MUSK: variants seen among roughly 807,000 people sequenced by gnomAD.
The protein encoded by MUSK is muscle associated receptor tyrosine kinase.
Under a neutral mutation model 88.7 loss-of-function variants are expected in MUSK, and 55 were observed. The observed-to-expected ratio is 0.62, with a 90% CI of 0.50 to 0.78. The LOEUF (loss-of-function observed/expected upper bound fraction) is 0.78. Among genes scored for constraint, MUSK ranks in the 30% least tolerant of loss-of-function variants. The pLI is 0.00. For synonymous variants in MUSK, 387 were observed against 391.9 expected, an observed-to-expected ratio of 0.99 and a Z score of 0.15; for missense variants, 1,015 against 1,074.3, an observed-to-expected ratio of 0.94 and a Z score of 0.77.
At chr9:110,690,885 T>C (rs2076346291) in intron 3 of MUSK, among the ~76,000 whole-genome samples, 1 of 142,312 alleles carries the variant, frequency 7.0e-6, no homozygotes, top group Admixed American at 7.6e-5. Flanking sequence ...TATATATATA[T>C]TTTTTGAGAC....
chr9:110,698,157 C>T (rs1157989606), intron 5 of MUSK, among the ~76,000 whole-genome samples: 1 of 152,116 alleles, frequency 6.6e-6, no homozygotes, highest in Non-Finnish European at 1.5e-5. Context: ...ATCAGCACAC[C>T]TCTATTAGGC....
In MUSK at chr9:110,735,484, C is replaced by T. The variant is rs79322891; in HGVS notation, c.753+1109C>T. On this transcript the variant is annotated intron_variant, in intron 6 of 14. Coordinates refer to ENST00000374448, the MANE Select transcript of MUSK (RefSeq NM_005592.4). Reference sequence around the variant, plus strand: ...CACAGCAAGAAAAGTATTTCATGTTCTCTTTCATAACTAAAAAAATTGATC... The same window carrying T: ...CACAGCAAGAAAAGTATTTCATGTTTTCTTTCATAACTAAAAAAATTGATC... Among the ~76,000 whole-genome samples the T allele has an allele frequency of 6.6e-3, 1,007 of 152,086 alleles. 12 individuals are homozygous for T. Among genetic ancestry groups the T allele is most frequent in the African/African-American group, 0.023 (969 of 41,494 alleles).
rs373604091 is a variant in MUSK at position 110,717,479 on chromosome 9, T to A, written c.629-16772T>A. Among the ~76,000 whole-genome samples the A allele has an allele frequency of 4.8e-4, 72 of 150,206 alleles. 7 individuals are homozygous for A. Among genetic ancestry groups the A allele is most frequent in the African/African-American group, 1.8e-3 (71 of 39,786 alleles). On this transcript the variant is annotated intron_variant, in intron 5 of 14. Transcript: ENST00000374448. ...CTTTCCTTGGCATTATCCAAAATTT[T>A]ATTTATCTTAAAACACTGAATTATT...
chr9:110,706,955 G>A (rs2076607784), intron 5 of MUSK, among the ~76,000 whole-genome samples: 2 of 152,090 alleles, frequency 1.3e-5, no homozygotes, highest in African/African-American at 4.8e-5. Flanking sequence ...AGTGAGCTGA[G>A]ATGGAGCCAC....
At chr9:110,755,967 T>TATATATATATATACATATATATATATAC in intron 7 of MUSK, among the ~76,000 whole-genome samples, 1 of 58,844 alleles carries the variant, frequency 1.7e-5, no homozygotes, top group East Asian at 5.3e-4. Flanking sequence ...TATATATACA[T>TATATATATATATACATATATATATATAC]ATATATATAT....
Position 110,747,394 on chromosome 9 carries a change from T to C in MUSK, c.754-247T>C, listed in dbSNP as rs78996096. 2.5e-3 allele frequency among the ~76,000 whole-genome samples: 384 copies of C among 152,294 alleles called. 1 individual carries two copies. The highest frequency in any genetic ancestry group is 9.0e-3 in the African/African-American group (372 of 41,552). ...GTGCAAGAACGTTAGTTTCTGCTCA[T>C]TCATTCCAAAACACATCACAAGGCT... is the stretch of plus-strand genomic sequence containing the variant. On this transcript the variant is annotated intron_variant, in intron 6 of 14. Transcript: ENST00000374448.
At chr9:110,738,973 G>A (rs1196130651) in intron 6 of MUSK, among the ~76,000 whole-genome samples, 1 of 152,042 alleles carries the variant, frequency 6.6e-6, no homozygotes, top group Non-Finnish European at 1.5e-5. Flanking sequence ...AAGTCATCTT[G>A]GGAGGACTGA....
At chr9:110,714,323 A>C (rs2076717491) in intron 5 of MUSK, among the ~76,000 whole-genome samples, 2 of 152,174 alleles carry the variant, frequency 1.3e-5, no homozygotes, top group Non-Finnish European at 2.9e-5. Context: ...ATCCATATTT[A>C]CAAGTGAGAA....
chr9:110,747,511 T>G, intron 6 of MUSK, 130 bp from the exon 7 acceptor site: 1 of 900,812 alleles, frequency 1.1e-6, no homozygotes, highest in Non-Finnish European at 1.7e-6. Flanking sequence ...GGAGGGAAAA[T>G]CTTTTGGCTA....
Position 110,806,052 on chromosome 9 carries a change from A to G in MUSK, c.*5064A>G, listed in dbSNP as rs1406899133. 6.6e-6 allele frequency among the ~76,000 whole-genome samples: 1 copy of G among 152,086 alleles called. No individual in the cohort carries two copies. The highest frequency in any genetic ancestry group is 1.5e-5 in the Non-Finnish European group (1 of 67,972). On this transcript the variant is annotated 3_prime_UTR_variant, in exon 15 of 15. Transcript: ENST00000374448. ...AGAGGGTAAAAATTAAAAAAATAAT[A>G]AAAGTTCCCTTCTTCCTTTTCATCT...
chr9:110,710,577 A>G (rs887500113), intron 5 of MUSK, among the ~76,000 whole-genome samples: 5 of 152,200 alleles, frequency 3.3e-5, no homozygotes, highest in East Asian at 1.9e-4. Flanking sequence ...TCAATCAGCA[A>G]TGCTTTGTAC....
chr9:110,782,911 G>A (rs10817092), intron 11 of MUSK, among the ~76,000 whole-genome samples: 26,669 of 152,084 alleles, frequency 0.18, 2,871 homozygotes, highest in East Asian at 0.3. Flanking sequence ...CCAGGTGCCT[G>A]CCTGAGTCAC....
At chr9:110,786,951 C>T (rs2077878431) in intron 13 of MUSK, among the ~76,000 whole-genome samples, 1 of 152,112 alleles carries the variant, frequency 6.6e-6, no homozygotes, top group South Asian at 2.1e-4. Flanking sequence ...AAATCTCACA[C>T]AAACATGTCT....
intron 5 of MUSK, among the ~76,000 whole-genome samples, chr9:110,698,441 A>C (rs1386225534): frequency 6.6e-6 from 1 of 152,190 alleles, no homozygotes; most frequent in Non-Finnish European, 1.5e-5. Context: ...TCAGGAAAAG[A>C]CTTGAAGAGT....
chr9:110,738,898 G>A (rs2077060471), intron 6 of MUSK, among the ~76,000 whole-genome samples: 1 of 152,102 alleles, frequency 6.6e-6, no homozygotes, highest in Non-Finnish European at 1.5e-5. Context: ...GGCCACATTA[G>A]CAAGTCCCCA....
intron 7 of MUSK, among the ~76,000 whole-genome samples, chr9:110,758,271 A>T (rs1458967721): frequency 6.6e-6 from 1 of 152,162 alleles, no homozygotes; most frequent in African/African-American, 2.4e-5. Flanking sequence ...GCCCTAATTG[A>T]TAAAGTTTTA....
At chr9:110,697,076 TAC>T (rs2076439958) in intron 4 of MUSK, among the ~76,000 whole-genome samples, 2 of 148,512 alleles carry the variant, frequency 1.3e-5, no homozygotes, top group African/African-American at 4.9e-5. Context: ...AATATATATA[TAC>T]ACACACTCAT....
intron 8 of MUSK, among the ~76,000 whole-genome samples, chr9:110,766,269 G>C (rs886667584): frequency 6.6e-6 from 1 of 152,170 alleles, no homozygotes; most frequent in Non-Finnish European, 1.5e-5. Context: ...CTGTTTCTGA[G>C]GCTGCTTCTT....
At chr9:110,720,889 T>C (rs566950955) in intron 5 of MUSK, among the ~76,000 whole-genome samples, 1 of 152,114 alleles carries the variant, frequency 6.6e-6, no homozygotes, top group South Asian at 2.1e-4. Flanking sequence ...AAATATAATC[T>C]ACCATGATCA....
Sources: gnomAD v4.1 joint callset for allele counts (sites outside exome capture counted in the v4.1 genomes callset) on GRCh38, gnomAD v4.1.1 for gene constraint, MANE v1.5 for transcripts, NCBI Gene and HGNC (gene_info 2026-07-23, HGNC 2026-07-21) for gene names.